The following UPF2 variants were observed in gnomAD, a reference collection of about 807,000 sequenced individuals.
UPF2 encodes the protein regulator of nonsense transcripts 2.
UPF2 carries 17 observed loss-of-function variants against 141.4 expected under a neutral mutation model. The ratio of observed to expected loss-of-function variants is 0.12; its 90% confidence interval spans 0.08 to 0.18. The LOEUF (loss-of-function observed/expected upper bound fraction) is 0.18. UPF2 is among the 10% of genes least tolerant of loss of function. UPF2 has a pLI of 1.00. For missense variants in UPF2, 1,152 were observed against 1,515.9 expected, an observed-to-expected ratio of 0.76 and a Z score of 3.99; for synonymous variants, 540 against 498.0, an observed-to-expected ratio of 1.08 and a Z score of -1.12.
rs971618410 is a variant in UPF2 at position 12,016,707 on chromosome 10, A to C, written c.1146-2523T>G. Among the ~76,000 whole-genome samples, 9 of 150,014 alleles carry C rather than the reference A, an allele frequency of 6.0e-5. No individual in the cohort carries two copies. The highest frequency in any genetic ancestry group is 4.7e-4 in the Admixed American group (7 of 14,990). On this transcript the variant is annotated intron_variant, in intron 3 of 21. Coordinates refer to ENST00000357604, the MANE Select transcript of UPF2 (RefSeq NM_015542.4). The surrounding 1 kb of genome is among the most constrained non-coding windows in gnomAD (Gnocchi z 4.1). ...AGACTGTCTAAAAAAAAAAAGAAAA[A>C]GAAGTAAGTTACTTAAAAATATCTG...
chr10:11,930,914 GA>G (rs1444683780), intron 20 of UPF2, among the ~76,000 whole-genome samples: 2 of 152,192 alleles, frequency 1.3e-5, no homozygotes, highest in African/African-American at 2.4e-5. Flanking sequence ...CAGTGCTGTA[GA>G]AACAACTATT....
intron 3 of UPF2, among the ~76,000 whole-genome samples, chr10:12,020,256 T>C (rs1481064183): frequency 6.6e-6 from 1 of 151,892 alleles, no homozygotes; most frequent in African/African-American, 2.4e-5. Context: ...TTTTATTTTT[T>C]TTTTAATTTT....
intron 12 of UPF2, among the ~76,000 whole-genome samples, chr10:11,958,013 T>C (rs1833180636): frequency 6.6e-6 from 1 of 152,060 alleles, no homozygotes; most frequent in African/African-American, 2.4e-5. Flanking sequence ...ACTAGACAAG[T>C]TAAAAATATG....
chr10:12,002,735 G>A (rs1283563228), intron 5 of UPF2, among the ~76,000 whole-genome samples: 1 of 152,146 alleles, frequency 6.6e-6, no homozygotes, highest in African/African-American at 2.4e-5. Context: ...TAAAAAAGAA[G>A]AGAAACCAAA....
At chr10:11,929,516 A>G (rs111472249) in intron 21 of UPF2, among the ~76,000 whole-genome samples, 18 of 152,266 alleles carry the variant, frequency 1.2e-4, no homozygotes, top group African/African-American at 4.1e-4. Context: ...GCATGCCTAT[A>G]GTCCCAGCTA....
chr10:11,932,391 A>G (rs1832793585), intron 19 of UPF2, among the ~76,000 whole-genome samples: 2 of 152,204 alleles, frequency 1.3e-5, no homozygotes, highest in South Asian at 4.1e-4. Flanking sequence ...TCGTAATGTG[A>G]TCAAAAAAGG....
chr10:11,934,403 G>C (rs900508037), intron 19 of UPF2, among the ~76,000 whole-genome samples: 1 of 152,212 alleles, frequency 6.6e-6, no homozygotes, highest in Non-Finnish European at 1.5e-5. Context: ...CTGGTCGAAG[G>C]AGGGGAGGGG....
intron 18 of UPF2, among the ~76,000 whole-genome samples, chr10:11,938,842 G>GTTTTTTTTTTGT (rs1226368291): frequency 2.4e-4 from 11 of 45,872 alleles, no homozygotes; most frequent in South Asian, 1.2e-3. Flanking sequence ...TCTTAAGCAA[G>GTTTTTTTTTTGT]TTTTTTTTTT....
rs528987947 is a variant in UPF2, at chr10:11,940,834, C to T, written c.3378+1831G>A. On this transcript the variant is annotated intron_variant, in intron 18 of 21. Transcript: ENST00000357604. This position sits in a 1 kb window ranked among gnomAD's most constrained non-coding sequence, Gnocchi z 4.2. Reference sequence around the variant, plus strand: ...TGCCCTCCCACACAGGATTGTGCCCCGCCCTCTATTAGTGCTGGCCGCCTT... The same window carrying T: ...TGCCCTCCCACACAGGATTGTGCCCTGCCCTCTATTAGTGCTGGCCGCCTT... Among the ~76,000 whole-genome samples the T allele has an allele frequency of 1.1e-4, 16 of 152,294 alleles. No individual in the cohort carries two copies. Among genetic ancestry groups the T allele is most frequent in the South Asian group, 4.1e-4 (2 of 4,826 alleles).
At chr10:11,985,704 T>C (rs910462543) in intron 8 of UPF2, among the ~76,000 whole-genome samples, 3 of 150,974 alleles carry the variant, frequency 2.0e-5, no homozygotes, top group Admixed American at 6.6e-5. Context: ...AGCTCAAAAA[T>C]GGGATGGAGT....
At chr10:11,999,201 G>T (rs948138558) in intron 7 of UPF2, among the ~76,000 whole-genome samples, 4 of 151,674 alleles carry the variant, frequency 2.6e-5, no homozygotes, top group African/African-American at 7.3e-5. Flanking sequence ...TTTTGCAAAT[G>T]TCAAAACAAT....
At chr10:11,966,359 C>T (rs1228543648) in intron 10 of UPF2, among the ~76,000 whole-genome samples, 8 of 152,198 alleles carry the variant, frequency 5.3e-5, no homozygotes, top group Non-Finnish European at 1.2e-4. Flanking sequence ...TGGTTGCATA[C>T]TGATTCAGAA....
At chr10:11,990,289 C>A (rs919628698) in intron 8 of UPF2, among the ~76,000 whole-genome samples, 1 of 152,194 alleles carries the variant, frequency 6.6e-6, no homozygotes, top group Non-Finnish European at 1.5e-5. Flanking sequence ...AACCCATATT[C>A]CTGACATACA....
At chr10:12,013,965 A>T in intron 4 of UPF2, 59 bp downstream of exon 4, 1 of 1,393,924 alleles carries the variant, frequency 7.2e-7, no homozygotes, top group Non-Finnish European at 9.4e-7. Flanking sequence ...TGATAAGCCT[A>T]AAGGTAAGTG....
In UPF2 at chr10:11,934,872, G is replaced by A. The variant is rs527315656; in HGVS notation, c.3546+1673C>T. Reference sequence around the variant, plus strand: ...CAAAGTGCTGGGATTACAGGTGTGAGCCACTATGCCCGGCCACACACCACA... The same window carrying A: ...CAAAGTGCTGGGATTACAGGTGTGAACCACTATGCCCGGCCACACACCACA... On this transcript the variant is annotated intron_variant, in intron 19 of 21. Transcript: ENST00000357604. Among the ~76,000 whole-genome samples, 64 of 152,302 alleles carry A rather than the reference G, an allele frequency of 4.2e-4. No individual in the cohort carries two copies. The Middle Eastern group carries it at 0.01, about 24-fold the overall frequency.
intron 10 of UPF2, among the ~76,000 whole-genome samples, chr10:11,966,031 A>C: frequency 6.6e-6 from 1 of 152,216 alleles, no homozygotes; most frequent in East Asian, 1.9e-4. Flanking sequence ...TTACTAATTA[A>C]TTTCTACTTT....
intron 8 of UPF2, among the ~76,000 whole-genome samples, chr10:11,993,149 C>CAAAAAAAAA (rs561323595): frequency 1.2e-5 from 1 of 80,560 alleles, no homozygotes; most frequent in Non-Finnish European, 2.1e-5. Context: ...GGCTCCACCT[C>CAAAAAAAAA]AAAAAAAAAA....
chr10:11,938,868 T>TTTTTTGTTTTTTG, intron 18 of UPF2, among the ~76,000 whole-genome samples: 1 of 90,822 alleles, frequency 1.1e-5, no homozygotes, highest in Non-Finnish European at 2.4e-5. Context: ...TTTTTTTTTT[T>TTTTTTGTTTTTTG]TTTTTTTTTT....
rs1833105525 is a variant in UPF2 at position 11,953,611 on chromosome 10, A to G, written c.2851-1362T>C. On this transcript the variant is annotated intron_variant, in intron 14 of 21. Coordinates refer to ENST00000357604, the MANE Select transcript of UPF2 (RefSeq NM_015542.4). The surrounding 1 kb of genome is among the most constrained non-coding windows in gnomAD (Gnocchi z 5.0). The stretch of plus-strand genomic sequence containing the variant: ...CTCTCAGCCTAAGATGTCAGAGTGA[A>G]TCGAAAGGATTCTCTTCTGAGAGAG... Among the ~76,000 whole-genome samples, 1 of 152,208 alleles carries G rather than the reference A, an allele frequency of 6.6e-6. No individual in the cohort carries two copies. Among genetic ancestry groups the G allele is most frequent in the African/African-American group, 2.4e-5 (1 of 41,446 alleles).
Sources: allele counts gnomAD v4.1 joint callset (sites outside exome capture counted in the v4.1 genomes callset), GRCh38; gene constraint gnomAD v4.1.1; non-coding constraint Gnocchi (gnomAD v3.1); transcripts MANE v1.5; gene names NCBI Gene and HGNC (gene_info 2026-07-23, HGNC 2026-07-21).